Variants in TRIM22 observed in about 807,000 individuals in gnomAD.
The protein encoded by TRIM22 is tripartite motif containing 22.
Under a neutral mutation model 53.6 loss-of-function variants are expected in TRIM22, and 45 were observed. The observed-to-expected ratio is 0.84, with a 90% CI of 0.66 to 1.08. The LOEUF is 1.08. Ranked by LOEUF, TRIM22 falls within the 50% of genes least tolerant of loss-of-function variation. The probability of loss-of-function intolerance (pLI) is 0.00; values close to 1 mark genes in which losing one functional copy is unlikely to be tolerated. For missense variants in TRIM22, 616 were observed against 590.9 expected (o/e 1.04, Z -0.44); for synonymous variants, 225 against 216.6 (o/e 1.04, Z -0.34).
rs1163582910 is a variant in TRIM22, at chr11:5,710,593, A to G, written c.*945A>G. The G allele has an allele frequency of 6.6e-6, 1 of 152,182 alleles. No individual in the cohort carries two copies. The highest frequency in any genetic ancestry group is 6.5e-5 in the Admixed American group (1 of 15,276). 9.4% of individuals were successfully genotyped at this position (152,182 alleles called of 1,614,324 possible). On this transcript the variant is annotated 3_prime_UTR_variant, in exon 8 of 8. Coordinates refer to ENST00000379965, the MANE Select transcript of TRIM22 (RefSeq NM_006074.5). The stretch of plus-strand genomic sequence containing the variant: ...GTCAAATTTTATCTTTTCACTTACA[A>G]GCTCTATGATCTTAAATAATTTACT...
rs760602142 is a variant in TRIM22 at position 5,709,619 on chromosome 11, C to T, written c.1468C>T (p.Pro490Ser). 6.2e-7 allele frequency: 1 copy of T among 1,607,528 alleles called. No individual in the cohort carries two copies. Among genetic ancestry groups the T allele is most frequent in the East Asian group, 2.2e-5 (1 of 44,854 alleles). Residue 490 changes from proline (P) to serine (S), a missense_variant, in exon 8 of 8, where the codon CCC (proline) becomes TCC (serine). Coordinates refer to ENST00000379965, the MANE Select transcript of TRIM22 (RefSeq NM_006074.5). ...PYFNPWNCLV[P>S]MTVCPPSS ...TTTCAATCCTTGGAACTGCCTAGTCCCCATGACTGTGTGCCCACCGAGCTC... is the reference window on the plus strand; with the variant it reads ...TTTCAATCCTTGGAACTGCCTAGTCTCCATGACTGTGTGCCCACCGAGCTC...
intron 4 of TRIM22, among the ~76,000 whole-genome samples, chr11:5,703,504 T>C (rs767903639): frequency 2.6e-5 from 4 of 151,742 alleles, no homozygotes; most frequent in Non-Finnish European, 5.9e-5. Flanking sequence ...TCCTGCTGCA[T>C]CCTCCCGAGT....
At chr11:5,693,862 T>A (rs1853215636) in intron 1 of TRIM22, among the ~76,000 whole-genome samples, 1 of 152,144 alleles carries the variant, frequency 6.6e-6, no homozygotes, top group Non-Finnish European at 1.5e-5. Context: ...TTCTGGAGGC[T>A]AGTTATCCAA....
intron 5 of TRIM22, among the ~76,000 whole-genome samples, chr11:5,706,926 T>C (rs1163100025): frequency 2.6e-5 from 4 of 152,218 alleles, no homozygotes; most frequent in Non-Finnish European, 5.9e-5. Context: ...GCCTGTCTTA[T>C]TGCAGTGAGG....
intron 4 of TRIM22, among the ~76,000 whole-genome samples, chr11:5,702,273 A>G (rs1422892791): frequency 6.9e-6 from 1 of 145,502 alleles, no homozygotes; most frequent in East Asian, 1.9e-4. Context: ...TATATAACTA[A>G]TATGCCTAAA....
Position 5,709,778 on chromosome 11 carries a change from T to C in TRIM22, c.*130T>C, listed in dbSNP as rs76224798. ...CCTTCTTTTACTTAGAATGTCTTTG[T>C]ATTCATTTGCTAGGGCTTCCATAGC... On this transcript the variant is annotated 3_prime_UTR_variant, in exon 8 of 8. Transcript: ENST00000379965. 202 of 831,274 alleles carry C rather than the reference T, an allele frequency of 2.4e-4. No homozygotes were observed. The East Asian group carries it at 4.8e-3, about 20-fold the overall frequency. 51.5% of individuals were successfully genotyped at this position (831,274 alleles called of 1,614,324 possible). A position where few individuals can be genotyped will look rare whatever the true frequency, so the allele number is the denominator to read the frequency against.
chr11:5,704,526 A>G (rs1400254281), intron 4 of TRIM22, among the ~76,000 whole-genome samples: 1 of 152,152 alleles, frequency 6.6e-6, no homozygotes, highest in Non-Finnish European at 1.5e-5. Flanking sequence ...GGATATTAAT[A>G]CCTTATCAGA....
At chr11:5,702,266 ATAAC>A (rs1172295653) in intron 4 of TRIM22, among the ~76,000 whole-genome samples, 1 of 145,410 alleles carries the variant, frequency 6.9e-6, no homozygotes, top group African/African-American at 2.5e-5. Flanking sequence ...TATATAATAT[ATAAC>A]TAATATGCCT....
chr11:5,708,698 T>C (rs1162821021), intron 7 of TRIM22, 95 bp downstream of exon 7: 4 of 1,125,156 alleles, frequency 3.6e-6, no homozygotes, highest in East Asian at 2.5e-5. Flanking sequence ...TCCCCAAACA[T>C]GCTTAAACCA....
At position 5,698,479 on chromosome 11, in the gene TRIM22, G is replaced by A. The variant is rs1853309281; in HGVS notation, c.684G>A (p.Gln228=). Residue 228 remains glutamine (Q), a synonymous_variant, in exon 4 of 8, where the codon CAG becomes CAA. Transcript: ENST00000379965. ...CAGACCAGCTGGTCCAGCAGAGGCA[G>A]GATGCCAGCACGCTCATCTCAGATC... is the stretch of plus-strand genomic sequence containing the variant. ...AATDQLVQQR[Q]DASTLISDLQ... is the part of the protein sequence containing the mutation. 6.2e-7 allele frequency: 1 copy of A among 1,613,954 alleles called. No individual in the cohort carries two copies. The highest frequency in any genetic ancestry group is 1.3e-5 in the African/African-American group (1 of 74,922).
intron 4 of TRIM22, among the ~76,000 whole-genome samples, chr11:5,702,181 T>G (rs373477526): frequency 1.6e-3 from 233 of 145,114 alleles, no homozygotes; most frequent in Middle Eastern, 3.6e-3. Flanking sequence ...TATACATAAC[T>G]AATATATATT....
intron 4 of TRIM22, among the ~76,000 whole-genome samples, chr11:5,703,431 G>C (rs1310650111): frequency 6.6e-6 from 1 of 151,060 alleles, no homozygotes; most frequent in African/African-American, 2.4e-5. Flanking sequence ...TGTCACCCAG[G>C]CTGGAGAGCA....
At chr11:5,709,030 T>G in intron 7 of TRIM22, 23 bp from the exon 8 acceptor site, 1 of 1,585,436 alleles carries the variant, frequency 6.3e-7, no homozygotes, top group East Asian at 2.2e-5. Flanking sequence ...ATCCTTCACT[T>G]GACTTGGTAA....
intron 3 of TRIM22, 153 bp downstream of exon 3, chr11:5,697,496 G>C (rs1238672710): frequency 5.4e-6 from 3 of 552,466 alleles, no homozygotes; most frequent in African/African-American, 3.8e-5. Context: ...TTCCCTGTTG[G>C]AGTTTAGGGG....
intron 1 of TRIM22, among the ~76,000 whole-genome samples, chr11:5,693,639 G>A (rs1051001346): frequency 8.3e-5 from 12 of 145,168 alleles, no homozygotes; most frequent in Non-Finnish European, 1.5e-4. Context: ...GGAGAATGGC[G>A]TGAACCCGAG....
rs1452982111 is a variant in TRIM22 at position 5,698,530 on chromosome 11, A to G, written c.735A>G (p.Ser245=). The G allele has an allele frequency of 4.8e-5, 77 of 1,612,956 alleles. No homozygotes were observed. Among genetic ancestry groups the G allele is most frequent in the Non-Finnish European group, 6.1e-5 (72 of 1,179,302 alleles). Reference sequence around the variant, plus strand: ...TCCAGCGGAGGTTGAGGGGATCGTCAGTAGAGATGCTGCAGGTAAGACTTG... The same window carrying G: ...TCCAGCGGAGGTTGAGGGGATCGTCGGTAGAGATGCTGCAGGTAAGACTTG... The part of the protein sequence containing the change: ...SDLQRRLRGS[S]VEMLQDVIDV... The change falls in exon 4 of 8, where the codon TCA becomes TCG. Residue 245 remains serine (S), a synonymous_variant. Transcript: ENST00000379965.
intron 1 of TRIM22, 36 bp from the exon 2 acceptor site, chr11:5,696,131 C>T: frequency 9.4e-7 from 1 of 1,067,724 alleles, no homozygotes; most frequent in Non-Finnish European, 1.4e-6. Context: ...CTTTCTATTC[C>T]TTCTTTTCTT....
Position 5,709,480 on chromosome 11 carries a change from T to C in TRIM22, c.1329T>C (p.Ile443=). The C allele has an allele frequency of 1.9e-6, 3 of 1,614,242 alleles. No individual in the cohort carries two copies. Among genetic ancestry groups the C allele is most frequent in the Non-Finnish European group, 2.5e-6 (3 of 1,180,044 alleles). Residue 443 remains isoleucine (I), a synonymous_variant, in exon 8 of 8, where the codon ATT becomes ATC. Coordinates refer to ENST00000379965, the MANE Select transcript of TRIM22 (RefSeq NM_006074.5). ...TTATGGCTGTGCCTCCCTGTCGTAT[T>C]GGGGTTTTCCTAGACTATGAGGCAG... ...TLFMAVPPCR[I]GVFLDYEAGI... is the part of the protein sequence containing the mutation.
At chr11:5,693,896 G>C (rs1853217382) in intron 1 of TRIM22, among the ~76,000 whole-genome samples, 1 of 152,142 alleles carries the variant, frequency 6.6e-6, no homozygotes, top group African/African-American at 2.4e-5. Flanking sequence ...GACAGGGCTG[G>C]TTCCTTCTGA....
Sources: gnomAD v4.1 joint callset for allele counts (sites outside exome capture counted in the v4.1 genomes callset) on GRCh38, gnomAD v4.1.1 for gene constraint, MANE v1.5 for transcripts, NCBI Gene and HGNC (gene_info 2026-07-23, HGNC 2026-07-21) for gene names.